EMC8: variants seen among roughly 807,000 people sequenced by gnomAD.
EMC8 encodes ER membrane protein complex subunit 8.
In EMC8, 11 loss-of-function variants were observed where a neutral mutation model predicts 24.3. The ratio of observed to expected loss-of-function variants is 0.45; its 90% CI spans 0.28 to 0.75. EMC8 has a LOEUF of 0.75. Ranked by LOEUF, EMC8 falls within the 30% of genes least tolerant of loss-of-function variation. The probability of loss-of-function intolerance (pLI) is 0.12; values close to 1 mark genes in which losing one functional copy is unlikely to be tolerated. For missense variants in EMC8, 277 were observed against 282.7 expected, an observed-to-expected ratio of 0.98 and a Z score of 0.14; for synonymous variants, 145 against 117.7, an observed-to-expected ratio of 1.23 and a Z score of -1.50.
At chr16:85,783,082 C>G (rs1489723680) in intron 2 of EMC8, among the ~76,000 whole-genome samples, 1 of 152,156 alleles carries the variant, frequency 6.6e-6, no homozygotes, top group African/African-American at 2.4e-5. Context: ...GGTGGATCAC[C>G]TGATGAGGTC....
At chr16:85,795,384 TGA>T (rs533786721) in intron 1 of EMC8, among the ~76,000 whole-genome samples, 6 of 152,200 alleles carry the variant, frequency 3.9e-5, no homozygotes, top group Admixed American at 2.6e-4. Context: ...TGGGGTGTGA[TGA>T]GAGACACTGG....
chr16:85,782,493 C>T (rs1449354455), intron 2 of EMC8, among the ~76,000 whole-genome samples: 1 of 152,208 alleles, frequency 6.6e-6, no homozygotes, highest in Non-Finnish European at 1.5e-5. Context: ...TCTTTCTGTG[C>T]CCAAGCCCCA....
rs1252243107 is a variant in EMC8, at chr16:85,782,773, G to A, written c.309-1493C>T. 3.3e-5 allele frequency among the ~76,000 whole-genome samples: 5 copies of A among 152,078 alleles called. No homozygotes were observed. The East Asian group carries it at 5.8e-4, about 18-fold the overall frequency. ...GCTACCCCCTCAAAAGCCTCCCAGCGGGAACCCACCACTCTCAGGCAGGCC... is the reference window on the plus strand; with the variant it reads ...GCTACCCCCTCAAAAGCCTCCCAGCAGGAACCCACCACTCTCAGGCAGGCC... On this transcript the variant is annotated intron_variant, in intron 2 of 4. Transcript: ENST00000253457.
chr16:85,779,564 T>C lies in EMC8; in HGVS notation c.*144A>G. 1.3e-6 allele frequency: 1 copy of C among 781,190 alleles called. No homozygotes were observed. The highest frequency in any genetic ancestry group is 1.7e-5 in the South Asian group (1 of 60,582). 48.4% of individuals were successfully genotyped at this position (781,190 alleles called of 1,614,324 possible). ...TGTTAAAAACACGACCGACTGAACATTCTGCCCCCTTTCAAGGCACATGCC... is the reference window on the plus strand; with the variant it reads ...TGTTAAAAACACGACCGACTGAACACTCTGCCCCCTTTCAAGGCACATGCC... On this transcript the variant is annotated 3_prime_UTR_variant, in exon 5 of 5. Coordinates refer to ENST00000253457, the MANE Select transcript of EMC8 (RefSeq NM_006067.5).
At chr16:85,794,056 A>T (rs1905139397) in intron 1 of EMC8, among the ~76,000 whole-genome samples, 1 of 152,230 alleles carries the variant, frequency 6.6e-6, no homozygotes, top group Non-Finnish European at 1.5e-5. Context: ...CAATTCCAAT[A>T]GGAAGCTCTC....
In EMC8 at chr16:85,799,233, G is replaced by A. The variant is rs747140383; in HGVS notation, c.63C>T (p.Tyr21=). The change falls in exon 1 of 5, where the codon TAC becomes TAT. Residue 21 remains tyrosine, a synonymous_variant. Coordinates refer to ENST00000253457, the MANE Select transcript of EMC8 (RefSeq NM_006067.5). This position sits in a 1 kb window ranked among gnomAD's most constrained non-coding sequence, Gnocchi z 4.2. The part of the protein sequence containing the change: ...YCKMVLHGAK[Y]PHCAVNGLLV... The stretch of plus-strand genomic sequence containing the variant: ...GGAGCCCGTTGACGGCGCAGTGCGG[G>A]TACTTGGCGCCGTGCAGCACCATCT... 1.9e-6 allele frequency: 3 copies of A among 1,613,210 alleles called. No homozygotes were observed. The highest frequency in any genetic ancestry group is 2.2e-5 in the East Asian group (1 of 44,874).
chr16:85,783,051 G>C (rs866919089), intron 2 of EMC8, among the ~76,000 whole-genome samples: 2 of 152,184 alleles, frequency 1.3e-5, no homozygotes, highest in African/African-American at 4.8e-5. Context: ...TGTAATCCCT[G>C]CACTTTCGGA....
intron 1 of EMC8, among the ~76,000 whole-genome samples, chr16:85,794,308 C>G (rs1340716249): frequency 2.0e-5 from 3 of 152,190 alleles, no homozygotes; most frequent in Non-Finnish European, 4.4e-5. Context: ...TCCCCTGTAA[C>G]TTTCCTCTGA....
rs766241667 is a variant in EMC8 at position 85,779,707 on chromosome 16, C to T, written c.*1G>A. The T allele has an allele frequency of 1.9e-6, 3 of 1,613,916 alleles. No homozygotes were observed. The highest frequency in any genetic ancestry group is 2.5e-6 in the Non-Finnish European group (3 of 1,179,890). On this transcript the variant is annotated 3_prime_UTR_variant, in exon 5 of 5. Coordinates refer to ENST00000253457, the MANE Select transcript of EMC8 (RefSeq NM_006067.5). The stretch of plus-strand genomic sequence containing the variant: ...CGGAGCCCAGTCACAGCGGTGCCTG[C>T]CTAGCACAAGTGTAGGACAGCTTTA...
At chr16:85,780,894 C>A in intron 3 of EMC8, 1 of 468,628 alleles carries the variant, frequency 2.1e-6, no homozygotes, top group Non-Finnish European at 3.9e-6. Flanking sequence ...TTAACATGGA[C>A]TGCTGGGCTA....
intron 2 of EMC8, among the ~76,000 whole-genome samples, chr16:85,782,817 C>A (rs1165669450): frequency 6.6e-6 from 1 of 152,200 alleles, no homozygotes; most frequent in Non-Finnish European, 1.5e-5. Flanking sequence ...TCCAGCCTCT[C>A]CGACCTGAGG....
chr16:85,783,531 G>A (rs918979206), intron 2 of EMC8, among the ~76,000 whole-genome samples: 2 of 152,098 alleles, frequency 1.3e-5, no homozygotes, highest in Non-Finnish European at 2.9e-5. Flanking sequence ...CTTCCATCAC[G>A]TCCCCTGGTG....
Position 85,788,106 on chromosome 16 carries a change from G to T in EMC8, c.308+868C>A, listed in dbSNP as rs899342684. 1.4e-3 allele frequency among the ~76,000 whole-genome samples: 206 copies of T among 152,304 alleles called. 1 individual carries two copies. Among genetic ancestry groups the T allele is most frequent in the African/African-American group, 4.5e-3 (189 of 41,560 alleles). On this transcript the variant is annotated intron_variant, in intron 2 of 4. Coordinates refer to ENST00000253457, the MANE Select transcript of EMC8 (RefSeq NM_006067.5). Reference sequence around the variant, plus strand: ...GACGCATGCCCGTTATATACGGCGTGGACTTTCCAGCTGCCCATCTGGCTT... The same window carrying T: ...GACGCATGCCCGTTATATACGGCGTTGACTTTCCAGCTGCCCATCTGGCTT...
At chr16:85,783,909 G>A (rs1291733932) in intron 2 of EMC8, among the ~76,000 whole-genome samples, 1 of 152,244 alleles carries the variant, frequency 6.6e-6, no homozygotes, top group Admixed American at 6.5e-5. Context: ...AGAGTCCATG[G>A]CACGTGCTGC....
Position 85,789,794 on chromosome 16 carries a change from G to A in EMC8, c.232-744C>T, listed in dbSNP as rs939651682. Among the ~76,000 whole-genome samples the A allele has an allele frequency of 4.8e-5, 7 of 145,572 alleles. No individual in the cohort carries two copies. In the East Asian group the frequency reaches 8.0e-4, roughly 17 times the overall value. ...GTGACAAGAGTGAAACTCCGTCTCC[G>A]TCTCAAAAAAAAAAAAAAAAGTCTT... On this transcript the variant is annotated intron_variant, in intron 1 of 4. Transcript: ENST00000253457.
chr16:85,782,562 C>T (rs967855154), intron 2 of EMC8, among the ~76,000 whole-genome samples: 22 of 152,178 alleles, frequency 1.4e-4, no homozygotes, highest in African/African-American at 3.6e-4. Flanking sequence ...AGCATTGAAC[C>T]GGTTCCCTCT....
At chr16:85,798,366 C>T (rs1010111813) in intron 1 of EMC8, among the ~76,000 whole-genome samples, 1 of 152,096 alleles carries the variant, frequency 6.6e-6, no homozygotes, top group Non-Finnish European at 1.5e-5. Flanking sequence ...AGGTGATCCG[C>T]CTGCCTCGGC....
Position 85,781,137 on chromosome 16 carries a change from C to G in EMC8, c.378+74G>C, listed in dbSNP as rs989287303. 26 of 1,075,744 alleles carry G rather than the reference C, an allele frequency of 2.4e-5. No individual in the cohort carries two copies. In the Admixed American group the frequency reaches 4.7e-4, roughly 19 times the overall value. The allele number at this position is 1,075,744 out of a possible 1,614,324, so 66.6% of individuals were successfully genotyped here. A position where few individuals can be genotyped will look rare whatever the true frequency, so the allele number is the denominator to read the frequency against. On this transcript the variant is annotated intron_variant, in intron 3 of 4. Coordinates refer to ENST00000253457, the MANE Select transcript of EMC8 (RefSeq NM_006067.5). ...AGTGAAGGGGTTAGCGGAAAGGAAACCGCCGCAGAGCAAGCTCCAGGTTGG... is the reference window on the plus strand; with the variant it reads ...AGTGAAGGGGTTAGCGGAAAGGAAAGCGCCGCAGAGCAAGCTCCAGGTTGG...
At chr16:85,798,756 A>C (rs1905407911) in intron 1 of EMC8, 1 of 347,126 alleles carries the variant, frequency 2.9e-6, no homozygotes, top group Admixed American at 4.5e-5. Context: ...ACTCTGTCGA[A>C]TCCCCACCAA....
Sources: gnomAD v4.1 joint callset for allele counts (sites outside exome capture counted in the v4.1 genomes callset) on GRCh38, gnomAD v4.1.1 for gene constraint, Gnocchi (gnomAD v3.1) non-coding constraint, MANE v1.5 for transcripts, NCBI Gene and HGNC (gene_info 2026-07-23, HGNC 2026-07-21) for gene names.